PTGIS: variants seen among roughly 807,000 people sequenced by gnomAD.
PTGIS encodes prostaglandin I2 synthase.
PTGIS carries 45 observed loss-of-function variants against 50.3 expected under a neutral mutation model. The ratio of observed to expected loss-of-function variants is 0.90; its 90% CI spans 0.70 to 1.15. The LOEUF is 1.15. Ranked by LOEUF, PTGIS falls within the 50% of genes most tolerant of loss-of-function variation. The probability of loss-of-function intolerance (pLI) is 0.00; values close to 1 mark genes in which losing one functional copy is unlikely to be tolerated. For missense variants in PTGIS, 668 were observed against 661.3 expected, an observed-to-expected ratio of 1.01 and a Z score of -0.11; for synonymous variants, 260 against 267.7, an observed-to-expected ratio of 0.97 and a Z score of 0.28.
At chr20:49,551,788 G>GTA (rs1982513014) in intron 1 of PTGIS, among the ~76,000 whole-genome samples, 1 of 145,926 alleles carries the variant, frequency 6.9e-6, no homozygotes, top group South Asian at 2.2e-4. Context: ...GTATGTGTGT[G>GTA]TATGCATGTG....
intron 5 of PTGIS, among the ~76,000 whole-genome samples, chr20:49,525,258 C>T (rs771616334): frequency 7.2e-5 from 11 of 152,222 alleles, no homozygotes; most frequent in Non-Finnish European, 1.6e-4. Flanking sequence ...GGCCAGAAGG[C>T]CTGTGCTTTC....
At chr20:49,513,379 G>A (rs780903267) in intron 7 of PTGIS, 118 bp from the exon 8 acceptor site, 36 of 1,143,264 alleles carry the variant, frequency 3.1e-5, no homozygotes, top group Non-Finnish European at 3.5e-5. Context: ...TGCCTGCCTC[G>A]CCCACACAGT....
intron 1 of PTGIS, among the ~76,000 whole-genome samples, chr20:49,558,393 AC>A (rs2122900970): frequency 6.6e-6 from 1 of 152,288 alleles, no homozygotes; most frequent in South Asian, 2.1e-4. Flanking sequence ...TGTTCCCACC[AC>A]CAAAAAAGGG....
Position 49,511,133 on chromosome 20 carries a change from T to C in PTGIS, c.1253A>G (p.Lys418Arg). 6.2e-7 allele frequency: 1 copy of C among 1,614,270 alleles called. No homozygotes were observed. The highest frequency in any genetic ancestry group is 1.7e-4 in the Middle Eastern group (1 of 6,054). Residue 418 changes from lysine (K) to arginine (R), a missense_variant, in exon 9 of 10, where the codon AAA becomes AGA. Physicochemically the swap from Lys to Arg is conservative, Grantham distance 26. Coordinates refer to ENST00000244043, the MANE Select transcript of PTGIS (RefSeq NM_000961.4). ...CCGTTTCCCATCCTTGTAAAAGTCT[T>C]TCTTCTCTGATCCGTCAGGGTTCAG... ...RFLNPDGSEK[K>R]DFYKDGKRLK...
intron 6 of PTGIS, among the ~76,000 whole-genome samples, chr20:49,520,973 T>G (rs1981638559): frequency 6.6e-6 from 1 of 152,200 alleles, no homozygotes; most frequent in Non-Finnish European, 1.5e-5. Context: ...GTTTATTAAT[T>G]GTCTATCTTC....
At chr20:49,518,510 T>G (rs1488309064) in intron 6 of PTGIS, among the ~76,000 whole-genome samples, 1 of 152,196 alleles carries the variant, frequency 6.6e-6, no homozygotes, top group East Asian at 1.9e-4. Context: ...ACTAGCAATG[T>G]CCCAATGTGA....
intron 1 of PTGIS, 86 bp downstream of exon 1, chr20:49,567,957 G>A: frequency 2.3e-6 from 3 of 1,282,136 alleles, no homozygotes; most frequent in South Asian, 1.8e-5. Flanking sequence ...GGCCGGGCCG[G>A]CCGCGGGCTC....
At chr20:49,522,849 C>T (rs1023427110) in intron 6 of PTGIS, among the ~76,000 whole-genome samples, 1 of 152,014 alleles carries the variant, frequency 6.6e-6, no homozygotes. Context: ...ATGGTGAACT[C>T]CCATCTGTAC....
At chr20:49,561,111 A>G (rs974584699) in intron 1 of PTGIS, among the ~76,000 whole-genome samples, 2 of 152,164 alleles carry the variant, frequency 1.3e-5, no homozygotes, top group African/African-American at 4.8e-5. Flanking sequence ...TTCCACACCC[A>G]GCAGTTCAGG....
chr20:49,557,182 C>T (rs1367347841), intron 1 of PTGIS, among the ~76,000 whole-genome samples: 5 of 152,166 alleles, frequency 3.3e-5, no homozygotes, highest in African/African-American at 1.2e-4. Context: ...GCTTTCCTAA[C>T]AATGTGGGAC....
chr20:49,562,955 G>A (rs1423354379), intron 1 of PTGIS, among the ~76,000 whole-genome samples: 3 of 152,226 alleles, frequency 2.0e-5, no homozygotes, highest in Non-Finnish European at 4.4e-5. Context: ...AATGAATCAT[G>A]TATGCAGTCG....
At chr20:49,560,742 C>G (rs903834480) in intron 1 of PTGIS, among the ~76,000 whole-genome samples, 5 of 152,028 alleles carry the variant, frequency 3.3e-5, no homozygotes, top group African/African-American at 1.2e-4. Context: ...GGAGCATGCT[C>G]GGTGAGGTTT....
chr20:49,557,316 C>T (rs1312883962), intron 1 of PTGIS, among the ~76,000 whole-genome samples: 2 of 152,104 alleles, frequency 1.3e-5, no homozygotes, highest in East Asian at 3.9e-4. Context: ...GGCAGGCATA[C>T]ATGGTGGTTC....
chr20:49,525,871 C>T (rs1981783424), intron 5 of PTGIS, among the ~76,000 whole-genome samples: 1 of 152,040 alleles, frequency 6.6e-6, no homozygotes, highest in African/African-American at 2.4e-5. Context: ...CTGCACCTCA[C>T]AGGGCATTTG....
chr20:49,537,545 A>G (rs897835633), intron 5 of PTGIS, among the ~76,000 whole-genome samples: 1 of 152,166 alleles, frequency 6.6e-6, no homozygotes, highest in Admixed American at 6.6e-5. Context: ...TCCTGAGGTC[A>G]GGAGTTTAAG....
intron 5 of PTGIS, among the ~76,000 whole-genome samples, chr20:49,536,841 GCTGTTCCCC>G (rs1982089123): frequency 6.6e-6 from 1 of 152,068 alleles, no homozygotes; most frequent in Non-Finnish European, 1.5e-5. Flanking sequence ...GGAAGATCCT[GCTGTTCCCC>G]CCATTTTGCA....
chr20:49,566,929 A>C (rs1007292074), intron 1 of PTGIS, among the ~76,000 whole-genome samples: 1 of 152,258 alleles, frequency 6.6e-6, no homozygotes, highest in Non-Finnish European at 1.5e-5. Flanking sequence ...ATAACAATGT[A>C]AGATGTTAAC....
chr20:49,513,926 C>T (rs1164093590), intron 7 of PTGIS, among the ~76,000 whole-genome samples: 1 of 152,302 alleles, frequency 6.6e-6, no homozygotes, highest in East Asian at 1.9e-4. Context: ...GTAGTCCTGA[C>T]GACATTGTTA....
chr20:49,534,218 G>C (rs894533789), intron 5 of PTGIS, among the ~76,000 whole-genome samples: 1 of 152,182 alleles, frequency 6.6e-6, no homozygotes, highest in Non-Finnish European at 1.5e-5. Context: ...TGTATCTGTA[G>C]ACATGTGCAA....
Sources: gnomAD v4.1 joint callset for allele counts (sites outside exome capture counted in the v4.1 genomes callset) on GRCh38, gnomAD v4.1.1 for gene constraint, MANE v1.5 for transcripts, NCBI Gene and HGNC (gene_info 2026-07-23, HGNC 2026-07-21) for gene names.